The following GRIK4 variants were observed in gnomAD, a reference collection of about 807,000 sequenced individuals.
GRIK4 encodes the protein glutamate ionotropic receptor kainate type subunit 4, also known as glutamate receptor ionotropic, kainate 4.
A neutral mutation model predicts 104.9 loss-of-function variants in GRIK4; 40 were observed. That is an observed-to-expected ratio of 0.38 (90% CI 0.30 to 0.50). The LOEUF (loss-of-function observed/expected upper bound fraction) is 0.50, where lower values mean the gene tolerates loss of function less well. Among genes scored for constraint, GRIK4 ranks in the 20% least tolerant of loss-of-function variants. GRIK4 has a pLI of 0.93. For synonymous variants in GRIK4, 485 were observed against 524.9 expected (o/e 0.92, Z 1.04); for missense variants, 1,047 against 1,308.1 (o/e 0.80, Z 3.08).
intron 19 of GRIK4, among the ~76,000 whole-genome samples, chr11:120,980,513 C>T (rs1217808138): frequency 6.6e-6 from 1 of 152,100 alleles, no homozygotes; most frequent in East Asian, 1.9e-4. Context: ...ACCCAAATGC[C>T]CCAGGTTAGA....
At chr11:120,651,710 T>C (rs1949621626) in intron 1 of GRIK4, among the ~76,000 whole-genome samples, 1 of 152,126 alleles carries the variant, frequency 6.6e-6, no homozygotes, top group East Asian at 1.9e-4. Flanking sequence ...ACCTGCTGTA[T>C]CCTAACTCAT....
Position 120,986,571 on chromosome 11 carries a change from G to T in GRIK4, c.*311G>T, listed in dbSNP as rs1382938054. On this transcript the variant is annotated 3_prime_UTR_variant, in exon 21 of 21. Coordinates refer to ENST00000527524, the MANE Select transcript of GRIK4 (RefSeq NM_014619.5). ...AAAATAACAAGAGTATAGGGTGGGGGGTCCCTACCCAGACCAGTCCAATGA... is the reference window on the plus strand; with the variant it reads ...AAAATAACAAGAGTATAGGGTGGGGTGTCCCTACCCAGACCAGTCCAATGA... 8.8e-6 allele frequency: 3 copies of T among 339,676 alleles called. No individual in the cohort carries two copies. The Admixed American group carries it at 1.5e-4, about 17-fold the overall frequency. The allele number at this position is 339,676 out of a possible 1,614,324, so 21.0% of individuals were successfully genotyped here.
At chr11:120,568,033 CTGGGCA>C (rs1948352372) in intron 1 of GRIK4, among the ~76,000 whole-genome samples, 1 of 152,246 alleles carries the variant, frequency 6.6e-6, no homozygotes, top group South Asian at 2.1e-4. Context: ...AAATAATTAG[CTGGGCA>C]TGGTGGTGCC....
rs1944071406 is a variant in GRIK4 at position 120,953,955 on chromosome 11, G to GT, written c.1700+992dup. Among the ~76,000 whole-genome samples the GT allele has an allele frequency of 1.3e-5, 2 of 152,176 alleles. No homozygotes were observed. Among genetic ancestry groups the GT allele is most frequent in the African/African-American group, 4.8e-5 (2 of 41,456 alleles). On this transcript the variant is annotated intron_variant, in intron 15 of 20. Coordinates refer to ENST00000527524, the MANE Select transcript of GRIK4 (RefSeq NM_014619.5). This position sits in a 1 kb window ranked among gnomAD's most constrained non-coding sequence, Gnocchi z 4.9. ...ATCTGTCCGTGGCTCTGGTTTGCAG[G>GT]TGTCTCTTCAGTTGTTACCTTTGCC... is the stretch of plus-strand genomic sequence containing the variant.
chr11:120,886,687 G>A (rs1015168973), intron 11 of GRIK4, among the ~76,000 whole-genome samples: 2 of 152,222 alleles, frequency 1.3e-5, no homozygotes, highest in Admixed American at 6.5e-5. Context: ...GGAATCACCT[G>A]TAGTGAGTTT....
At chr11:120,617,584 A>C (rs1949132607) in intron 1 of GRIK4, among the ~76,000 whole-genome samples, 1 of 152,062 alleles carries the variant, frequency 6.6e-6, no homozygotes, top group African/African-American at 2.4e-5. Context: ...TATCATTTGG[A>C]TCAGTGGGGC....
chr11:120,698,858 A>G (rs777915457), intron 3 of GRIK4, among the ~76,000 whole-genome samples: 7 of 152,162 alleles, frequency 4.6e-5, no homozygotes, highest in Middle Eastern at 3.4e-3. Flanking sequence ...AAGTGCAAAC[A>G]TTTTTCTCTA....
At chr11:120,759,225 G>A (rs1951703540) in intron 3 of GRIK4, among the ~76,000 whole-genome samples, 1 of 152,194 alleles carries the variant, frequency 6.6e-6, no homozygotes, top group African/African-American at 2.4e-5. Flanking sequence ...AAATGGTCAG[G>A]GTCAGAGAGA....
rs569057496 is a variant in GRIK4 at position 120,822,835 on chromosome 11, C to T, written c.511+2915C>T. Among the ~76,000 whole-genome samples the T allele has an allele frequency of 3.3e-5, 5 of 152,292 alleles. No individual in the cohort carries two copies. The South Asian group carries it at 1.0e-3, about 32-fold the overall frequency. ...CATTAGCGTGGACACACTCAGATGT[C>T]CTGTGGCCAAAACATGTATTTGCTT... On this transcript the variant is annotated intron_variant, in intron 6 of 20. Transcript: ENST00000527524.
Position 120,524,870 on chromosome 11 carries a change from A to G in GRIK4, c.-159+12983A>G. 6.6e-6 allele frequency among the ~76,000 whole-genome samples: 1 copy of G among 152,164 alleles called. No individual in the cohort carries two copies. The highest frequency in any genetic ancestry group is 1.5e-5 in the Non-Finnish European group (1 of 68,024). ...ACTGTGGTGGCAGAGAGCCCCAGGA[A>G]GAGGTCGCCTTTGTGTGGGGATGAC... On this transcript the variant is annotated intron_variant, in intron 1 of 20. Transcript: ENST00000527524. This position sits in a 1 kb window ranked among gnomAD's most constrained non-coding sequence, Gnocchi z 4.5.
At chr11:120,886,831 C>A (rs963040433) in intron 11 of GRIK4, among the ~76,000 whole-genome samples, 1 of 152,226 alleles carries the variant, frequency 6.6e-6, no homozygotes. Context: ...ACTTCATCTC[C>A]TGTTGATGTC....
At chr11:120,972,897 GGCA>G (rs1391611024) in intron 19 of GRIK4, among the ~76,000 whole-genome samples, 3 of 152,036 alleles carry the variant, frequency 2.0e-5, no homozygotes, top group African/African-American at 4.8e-5. Flanking sequence ...CGTAAGAGGC[GGCA>G]CGTAGGGACC....
intron 4 of GRIK4, among the ~76,000 whole-genome samples, chr11:120,809,687 A>T (rs1952787698): frequency 6.6e-6 from 1 of 152,186 alleles, no homozygotes; most frequent in Non-Finnish European, 1.5e-5. Flanking sequence ...ACATTGACAC[A>T]CGTGTATGAG....
In GRIK4 at chr11:120,967,001, C is replaced by T. The variant is rs1289187866; in HGVS notation, c.2267-194C>T. Among the ~76,000 whole-genome samples the T allele has an allele frequency of 6.6e-6, 1 of 152,116 alleles. No homozygotes were observed. Among genetic ancestry groups the T allele is most frequent in the African/African-American group, 2.4e-5 (1 of 41,422 alleles). The stretch of plus-strand genomic sequence containing the variant: ...GAACACTGCGTGAAGCCAGAATGCC[C>T]CGCTCTTCCGGGGGAGCCCCAGTGG... On this transcript the variant is annotated intron_variant, in intron 18 of 20. Coordinates refer to ENST00000527524, the MANE Select transcript of GRIK4 (RefSeq NM_014619.5). This position sits in a 1 kb window ranked among gnomAD's most constrained non-coding sequence, Gnocchi z 4.2.
intron 3 of GRIK4, among the ~76,000 whole-genome samples, chr11:120,756,062 C>T (rs1361277686): frequency 6.6e-6 from 1 of 152,136 alleles, no homozygotes; most frequent in African/African-American, 2.4e-5. Context: ...GCAGTGTAAG[C>T]TTGGTGTCCC....
intron 13 of GRIK4, among the ~76,000 whole-genome samples, chr11:120,937,423 G>T (rs571927281): frequency 1.4e-4 from 22 of 152,314 alleles, no homozygotes; most frequent in African/African-American, 5.3e-4. Context: ...ATACCCCAGT[G>T]CCTTCAAGCT....
chr11:120,531,751 T>C (rs951003913), intron 1 of GRIK4, among the ~76,000 whole-genome samples: 35 of 152,112 alleles, frequency 2.3e-4, no homozygotes, highest in Admixed American at 4.6e-4. Flanking sequence ...AATTTTTGTA[T>C]TTTTAGTAGA....
intron 11 of GRIK4, among the ~76,000 whole-genome samples, chr11:120,887,453 C>G (rs1399692514): frequency 6.6e-6 from 1 of 152,232 alleles, no homozygotes; most frequent in East Asian, 1.9e-4. Flanking sequence ...TAAATAAACC[C>G]AGCATTTTCA....
chr11:120,685,835 T>C (rs1306422518), intron 3 of GRIK4, among the ~76,000 whole-genome samples: 3 of 152,186 alleles, frequency 2.0e-5, no homozygotes, highest in Non-Finnish European at 4.4e-5. Context: ...TCTCTTTTGC[T>C]GATGATTCTT....
Sources: allele counts gnomAD v4.1 joint callset (sites outside exome capture counted in the v4.1 genomes callset), GRCh38; gene constraint gnomAD v4.1.1; non-coding constraint Gnocchi (gnomAD v3.1); transcripts MANE v1.5; gene names NCBI Gene and HGNC (gene_info 2026-07-23, HGNC 2026-07-21).